Variants in PLEKHH1 observed in about 807,000 individuals in gnomAD.
PLEKHH1 encodes pleckstrin homology, MyTH4 and FERM domain containing H1.
In PLEKHH1, 104 loss-of-function variants were observed where a neutral mutation model predicts 160.0. The observed-to-expected ratio is 0.65, with a 90% CI of 0.55 to 0.76. The LOEUF (loss-of-function observed/expected upper bound fraction) is 0.76. Among genes scored for constraint, PLEKHH1 ranks in the 30% least tolerant of loss-of-function variants. The probability of loss-of-function intolerance (pLI) is 0.00; values close to 1 mark genes in which losing one functional copy is unlikely to be tolerated. For synonymous variants in PLEKHH1, 619 were observed against 678.4 expected (o/e 0.91, Z 1.36); for missense variants, 1,427 against 1,724.1 (o/e 0.83, Z 3.05).
At position 67,578,100 on chromosome 14, in the gene PLEKHH1, G is replaced by T. The variant is rs375428039; in HGVS notation, c.2652G>T (p.Leu884=). The change falls in exon 19 of 29, where the codon CTG becomes CTT. Residue 884 remains leucine (L), a synonymous_variant. Transcript: ENST00000329153. The surrounding 1 kb of genome is among the most constrained non-coding windows in gnomAD (Gnocchi z 5.0). ...DYHVSLAQTA[L]QVCLVHPELQ... ...ATGTGTCCCTGGCCCAGACCGCACTGCAGGTCTGCCTGGTTCACCCCGAGC... is the reference window on the plus strand; with the variant it reads ...ATGTGTCCCTGGCCCAGACCGCACTTCAGGTCTGCCTGGTTCACCCCGAGC... 6.2e-7 allele frequency: 1 copy of T among 1,613,390 alleles called. No individual in the cohort carries two copies. The highest frequency in any genetic ancestry group is 1.3e-5 in the African/African-American group (1 of 75,006).
intron 5 of PLEKHH1, 37 bp from the exon 6 acceptor site, chr14:67,561,917 C>A: frequency 1.5e-6 from 2 of 1,328,506 alleles, no homozygotes; most frequent in Non-Finnish European, 2.2e-6. Flanking sequence ...AACCTGTAGG[C>A]TGGGTGTCCT....
Position 67,587,573 on chromosome 14 carries a change from C to T in PLEKHH1, c.*338C>T. 1 of 302,476 alleles carries T rather than the reference C, an allele frequency of 3.3e-6. No individual in the cohort carries two copies. Among genetic ancestry groups the T allele is most frequent in the Non-Finnish European group, 6.3e-6 (1 of 157,816 alleles). The allele number at this position is 302,476 out of a possible 1,614,324, so 18.7% of individuals were successfully genotyped here. On this transcript the variant is annotated 3_prime_UTR_variant, in exon 29 of 29. Transcript: ENST00000329153. ...AGTTAAGGCTTTCTGCACTGGTACT[C>T]TCAAGGAAGCTAATTTTCTTTCTGG...
At chr14:67,570,881 G>A (rs758821343) in intron 9 of PLEKHH1, 2 of 152,108 alleles carry the variant, frequency 1.3e-5, no homozygotes, top group Non-Finnish European at 1.5e-5. Flanking sequence ...GCACCACCAT[G>A]CCCAGCTAAT....
intron 28 of PLEKHH1, 77 bp from the exon 29 acceptor site, chr14:67,586,997 T>A (rs1431026359): frequency 8.5e-6 from 13 of 1,524,290 alleles, no homozygotes; most frequent in Non-Finnish European, 1.1e-5. Flanking sequence ...GAACTCAGCA[T>A]AAGAGCTAAT....
At chr14:67,547,550 C>T (rs1398764658) in intron 2 of PLEKHH1, among the ~76,000 whole-genome samples, 1 of 152,162 alleles carries the variant, frequency 6.6e-6, no homozygotes, top group African/African-American at 2.4e-5. Context: ...GGCCAGCCCT[C>T]CCACCCATCT....
In PLEKHH1 at chr14:67,562,119, T is replaced by C; in HGVS notation, c.506-18T>C. 1.2e-6 allele frequency: 2 copies of C among 1,611,144 alleles called. No individual in the cohort carries two copies. The highest frequency in any genetic ancestry group is 4.5e-5 in the East Asian group (2 of 44,800). ...GCTACGGGAGCTCTCAATGTGACTG[T>C]TTTTACCCGAATCACAGCTATTCAG... On this transcript the variant is annotated intron_variant, in intron 6 of 28. Coordinates refer to ENST00000329153, the MANE Select transcript of PLEKHH1 (RefSeq NM_020715.3).
chr14:67,559,479 C>T (rs763819086), intron 4 of PLEKHH1, 129 bp from the exon 5 acceptor site: 7 of 628,254 alleles, frequency 1.1e-5, no homozygotes, highest in Admixed American at 8.3e-5. Flanking sequence ...TTTCAACAAA[C>T]GATTTCTGCT....
chr14:67,577,485 T>C lies in PLEKHH1; in HGVS notation c.2574+71T>C, dbSNP rs57526705. On this transcript the variant is annotated intron_variant, in intron 18 of 28. Transcript: ENST00000329153. ...ACTTGGGTGGAGAAGGCCTGTGCAG[T>C]TGGGGACAACCCACAGAGGGATCTG... 2,737 of 986,688 alleles carry C rather than the reference T, an allele frequency of 2.8e-3. 37 individuals are homozygous for C. The African/African-American group carries it at 0.031, about 11-fold the overall frequency. The allele number at this position is 986,688 out of a possible 1,614,324, so 61.1% of individuals were successfully genotyped here. A position where few individuals can be genotyped will look rare whatever the true frequency, so the allele number is the denominator to read the frequency against.
intron 2 of PLEKHH1, among the ~76,000 whole-genome samples, chr14:67,548,773 G>A (rs566450299): frequency 2.0e-4 from 30 of 152,302 alleles, no homozygotes; most frequent in African/African-American, 5.8e-4. Context: ...CTGAAGCAGC[G>A]TTTACCAAGT....
chr14:67,574,419 G>T lies in PLEKHH1; in HGVS notation c.2088+16G>T, dbSNP rs778976854. 6 of 1,509,670 alleles carry T rather than the reference G, an allele frequency of 4.0e-6. No homozygotes were observed. The East Asian group carries it at 1.2e-4, about 30-fold the overall frequency. The allele number at this position is 1,509,670 out of a possible 1,614,324, so 93.5% of individuals were successfully genotyped here. A position where few individuals can be genotyped will look rare whatever the true frequency, so the allele number is the denominator to read the frequency against. On this transcript the variant is annotated intron_variant, in intron 14 of 28. Transcript: ENST00000329153. The surrounding 1 kb of genome is among the most constrained non-coding windows in gnomAD (Gnocchi z 4.2). ...GCTGACCAAGGTAGAGGGTGGGGCT[G>T]ATAGGGCAGGAACATGTGCCTCCTG...
chr14:67,576,034 C>T lies in PLEKHH1; in HGVS notation c.2352+29C>T. Reference sequence around the variant, plus strand: ...AGGAAGAGGGCTGGGCCTCCAGGGCCAAGCTTGGACCTGTGATTCTGATCT... The same window carrying T: ...AGGAAGAGGGCTGGGCCTCCAGGGCTAAGCTTGGACCTGTGATTCTGATCT... On this transcript the variant is annotated intron_variant, in intron 16 of 28. Transcript: ENST00000329153. This position sits in a 1 kb window ranked among gnomAD's most constrained non-coding sequence, Gnocchi z 4.0. 5.2e-6 allele frequency: 8 copies of T among 1,539,328 alleles called. No individual in the cohort carries two copies. Among genetic ancestry groups the T allele is most frequent in the East Asian group, 2.3e-5 (1 of 44,096 alleles).
intron 4 of PLEKHH1, among the ~76,000 whole-genome samples, chr14:67,557,678 G>A (rs554412796): frequency 2.6e-5 from 4 of 152,358 alleles, no homozygotes; most frequent in South Asian, 4.1e-4. Flanking sequence ...TCTAGCACCT[G>A]CTGCCTCTGA....
At position 67,574,015 on chromosome 14, in the gene PLEKHH1, A is replaced by G; in HGVS notation, c.1926+128A>G. The G allele has an allele frequency of 1.3e-6, 1 of 751,190 alleles. No individual in the cohort carries two copies. The highest frequency in any genetic ancestry group is 2.2e-5 in the Admixed American group (1 of 44,494). The allele number at this position is 751,190 out of a possible 1,614,324, so 46.5% of individuals were successfully genotyped here. On this transcript the variant is annotated intron_variant, in intron 13 of 28. Transcript: ENST00000329153. This position sits in a 1 kb window ranked among gnomAD's most constrained non-coding sequence, Gnocchi z 4.2. ...GACTTCAGATCAACATTTGGACGTG[A>G]TCCTAACTTGTGAGTACAAGAAAGG...
intron 4 of PLEKHH1, 45 bp from the exon 5 acceptor site, chr14:67,559,563 C>T (rs1216071280): frequency 5.1e-6 from 7 of 1,362,686 alleles, no homozygotes; most frequent in South Asian, 2.5e-5. Context: ...CAGTCACTCT[C>T]CTGGTGATTG....
rs967430868 is a variant in PLEKHH1 at position 67,587,362 on chromosome 14, T to A, written c.*127T>A. 3 of 1,101,318 alleles carry A rather than the reference T, an allele frequency of 2.7e-6. No homozygotes were observed. Among genetic ancestry groups the A allele is most frequent in the Non-Finnish European group, 4.1e-6 (3 of 725,880 alleles). The allele number at this position is 1,101,318 out of a possible 1,614,324, so 68.2% of individuals were successfully genotyped here. On this transcript the variant is annotated 3_prime_UTR_variant, in exon 29 of 29. Coordinates refer to ENST00000329153, the MANE Select transcript of PLEKHH1 (RefSeq NM_020715.3). ...CTACTCTTGTTCTGTGAAATGTGTA[T>A]TTTAGTCTCTGTGAAGCCTTTACTC...
At chr14:67,571,937 G>C in intron 10 of PLEKHH1, 35 bp downstream of exon 10, 2 of 1,575,206 alleles carry the variant, frequency 1.3e-6, no homozygotes, top group Non-Finnish European at 1.7e-6. Flanking sequence ...GGGTGCAGCA[G>C]CAAGGAGCCC....
chr14:67,572,216 A>C lies in PLEKHH1; in HGVS notation c.1667A>C (p.Glu556Ala). The change falls in exon 11 of 29, where the codon GAG becomes GCG. Residue 556 changes from glutamate to alanine, a missense_variant. Physicochemically the swap from Glu to Ala is moderately radical, Grantham distance 107. Transcript: ENST00000329153. ...DACSLDSDYS[E>A]PEHKLQRTSS... ...TGCTCACTGGACAGTGACTACTCAG[A>C]GCCTGAGCACAAACTGCAGCGCACC... 6.2e-7 allele frequency: 1 copy of C among 1,609,522 alleles called. No individual in the cohort carries two copies. The highest frequency in any genetic ancestry group is 8.5e-7 in the Non-Finnish European group (1 of 1,178,258).
intron 26 of PLEKHH1, among the ~76,000 whole-genome samples, chr14:67,584,897 T>C (rs550846387): frequency 1.3e-5 from 2 of 152,360 alleles, no homozygotes; most frequent in African/African-American, 4.8e-5. Flanking sequence ...TAAAGGCATA[T>C]AACAGGGACC....
chr14:67,557,796 C>T (rs776285674), intron 4 of PLEKHH1, among the ~76,000 whole-genome samples: 1 of 152,214 alleles, frequency 6.6e-6, no homozygotes, highest in Non-Finnish European at 1.5e-5. Flanking sequence ...TGACCTGTGC[C>T]TAGTGTCAGG....
Sources: allele counts gnomAD v4.1 joint callset (sites outside exome capture counted in the v4.1 genomes callset), GRCh38; gene constraint gnomAD v4.1.1; non-coding constraint Gnocchi (gnomAD v3.1); transcripts MANE v1.5; gene names NCBI Gene and HGNC (gene_info 2026-07-23, HGNC 2026-07-21).